The following SRPK1 variants were observed in gnomAD, a reference collection of about 807,000 sequenced individuals.
SRPK1 encodes the protein SRSF protein kinase 1.
In SRPK1, 52 loss-of-function variants were observed where a neutral mutation model predicts 89.5. The ratio of observed to expected loss-of-function variants is 0.58; its 90% CI spans 0.46 to 0.73. The LOEUF (loss-of-function observed/expected upper bound fraction) is 0.73. SRPK1 is among the 30% of genes least tolerant of loss of function. The pLI is 0.00. For synonymous variants in SRPK1, 255 were observed against 270.2 expected (o/e 0.94, Z 0.55); for missense variants, 603 against 780.6 (o/e 0.77, Z 2.71).
intron 2 of SRPK1, among the ~76,000 whole-genome samples, chr6:35,916,229 TAAA>T (rs1167883107): frequency 2.6e-4 from 37 of 144,074 alleles, no homozygotes; most frequent in African/African-American, 9.5e-4. Context: ...CTGCCTCAAA[TAAA>T]TAAATAAATA....
chr6:35,919,008 A>C (rs1771171158), intron 2 of SRPK1, among the ~76,000 whole-genome samples: 1 of 152,244 alleles, frequency 6.6e-6, no homozygotes, highest in Non-Finnish European at 1.5e-5. Context: ...AATAGAAAAG[A>C]ACGTTTTAAC....
chr6:35,907,403 C>T (rs553469318), intron 2 of SRPK1, among the ~76,000 whole-genome samples: 3 of 152,218 alleles, frequency 2.0e-5, no homozygotes, highest in Admixed American at 6.5e-5. Context: ...CTGGGATTTG[C>T]TTTAAAATAA....
At chr6:35,838,562 C>A in intron 14 of SRPK1, 133 bp from the exon 15 acceptor site, 9 of 1,374,650 alleles carry the variant, frequency 6.5e-6, no homozygotes, top group Non-Finnish European at 8.0e-6. Flanking sequence ...TACTTTCTAT[C>A]CTAAATGGGA....
chr6:35,872,807 TAAAAA>T, intron 7 of SRPK1, 79 bp from the exon 8 acceptor site: 1 of 993,302 alleles, frequency 1.0e-6, no homozygotes, highest in Non-Finnish European at 1.4e-6. Flanking sequence ...AACATGACAT[TAAAAA>T]AAAAAAAAAG....
intron 10 of SRPK1, 94 bp from the exon 11 acceptor site, chr6:35,869,995 TTA>T (rs1401694323): frequency 4.5e-6 from 6 of 1,346,774 alleles, no homozygotes; most frequent in Non-Finnish European, 6.0e-6. Flanking sequence ...TTTCTAGAAC[TTA>T]TACTGAGTGA....
At chr6:35,870,193 G>A in intron 10 of SRPK1, 88 bp downstream of exon 10, 9 of 1,134,660 alleles carry the variant, frequency 7.9e-6, no homozygotes, top group Non-Finnish European at 1.1e-5. Flanking sequence ...GAGATGTGTT[G>A]TATGTATGAA....
chr6:35,917,119 GACAA>G (rs1771123318), intron 2 of SRPK1, among the ~76,000 whole-genome samples: 2 of 152,094 alleles, frequency 1.3e-5, no homozygotes, highest in African/African-American at 4.8e-5. Context: ...AAAAGCTTAT[GACAA>G]ACAAATAAAG....
intron 2 of SRPK1, among the ~76,000 whole-genome samples, chr6:35,894,962 C>T (rs1252124160): frequency 2.0e-5 from 3 of 151,952 alleles, no homozygotes; most frequent in African/African-American, 7.3e-5. Flanking sequence ...TCCAAGAGCA[C>T]AACTATAGAG....
chr6:35,874,136 A>C, intron 7 of SRPK1, 97 bp downstream of exon 7: 1 of 1,114,324 alleles, frequency 9.0e-7, no homozygotes, highest in Non-Finnish European at 1.3e-6. Context: ...CTTAAAACAA[A>C]AATTCTATTG....
chr6:35,893,804 A>G (rs1770571000), intron 2 of SRPK1, among the ~76,000 whole-genome samples: 1 of 152,146 alleles, frequency 6.6e-6, no homozygotes, highest in Admixed American at 6.5e-5. Flanking sequence ...CGAGGCCAGG[A>G]GTTCAAGACC....
At chr6:35,877,004 G>A (rs1262991031) in intron 6 of SRPK1, among the ~76,000 whole-genome samples, 3 of 152,148 alleles carry the variant, frequency 2.0e-5, no homozygotes, top group Non-Finnish European at 4.4e-5. Flanking sequence ...GAGGGGGCCC[G>A]CCCCTTCAAG....
In SRPK1 at chr6:35,886,207, A is replaced by G. The variant is rs185009001; in HGVS notation, c.478+517T>C. 2.0e-5 allele frequency among the ~76,000 whole-genome samples: 3 copies of G among 151,254 alleles called. No individual in the cohort carries two copies. In the East Asian group the frequency reaches 5.8e-4, roughly 29 times the overall value. On this transcript the variant is annotated intron_variant, in intron 6 of 15. Transcript: ENST00000373825. ...GTGATTCTCCAGCCTCAGCCTCTCC[A>G]GTAGCTGGGATTACAGGAGCCTGCC...
chr6:35,845,787 C>G (rs758744294), intron 13 of SRPK1, among the ~76,000 whole-genome samples: 1 of 152,164 alleles, frequency 6.6e-6, no homozygotes, highest in African/African-American at 2.4e-5. Context: ...ATGGCTGTCT[C>G]AAAGTGAGGA....
At chr6:35,863,641 G>A (rs977780925) in intron 12 of SRPK1, among the ~76,000 whole-genome samples, 13 of 149,892 alleles carry the variant, frequency 8.7e-5, no homozygotes, top group Admixed American at 6.0e-4. Context: ...AGGTGGAGGG[G>A]GAGGGGAGAC....
At position 35,880,746 on chromosome 6, in the gene SRPK1, A is replaced by AAAAAAAAAAAAAAAGAAAGAAAG. The variant is rs1770263877; in HGVS notation, c.478+5977_478+5978insCTTTCTTTCTTTTTTTTTTTTTT. Among the ~76,000 whole-genome samples the AAAAAAAAAAAAAAAGAAAGAAAG allele has an allele frequency of 6.1e-4, 54 of 89,186 alleles. 1 individual carries two copies. The highest frequency in any genetic ancestry group is 1.4e-3 in the South Asian group (3 of 2,134). The allele number at this position is 89,186 out of a possible 152,430, so 58.5% of individuals were successfully genotyped here. On this transcript the variant is annotated intron_variant, in intron 6 of 15. Transcript: ENST00000373825. ...AAAAAAAAAAAAAAGAAAAAAAAAA[A>AAAAAAAAAAAAAAAGAAAGAAAG]AAAAGAAAAGAAAAGAAGAAGAAAT...
chr6:35,886,026 GTTTC>G (rs1017671767), intron 6 of SRPK1, among the ~76,000 whole-genome samples: 20 of 151,252 alleles, frequency 1.3e-4, no homozygotes, highest in African/African-American at 4.9e-4. Context: ...TGTTCATCCA[GTTTC>G]TTTCTTCCTT....
chr6:35,901,330 AAAAGAG>A (rs763245243), intron 2 of SRPK1, among the ~76,000 whole-genome samples: 64 of 152,212 alleles, frequency 4.2e-4, no homozygotes, highest in Non-Finnish European at 7.5e-4. Context: ...TGTCCTTTTA[AAAAGAG>A]AAAATCTGGA....
chr6:35,840,849 T>C (rs1318069485), intron 14 of SRPK1, among the ~76,000 whole-genome samples: 1 of 152,180 alleles, frequency 6.6e-6, no homozygotes, highest in Non-Finnish European at 1.5e-5. Context: ...CTAAGGACTA[T>C]TAGTACTAAC....
intron 12 of SRPK1, among the ~76,000 whole-genome samples, chr6:35,862,625 A>G (rs1038268050): frequency 2.6e-5 from 4 of 152,204 alleles, no homozygotes; most frequent in Non-Finnish European, 4.4e-5. Flanking sequence ...ACAAGTAAAT[A>G]TGACAGCACC....
Sources: allele counts gnomAD v4.1 joint callset (sites outside exome capture counted in the v4.1 genomes callset), GRCh38; gene constraint gnomAD v4.1.1; transcripts MANE v1.5; gene names NCBI Gene and HGNC (gene_info 2026-07-23, HGNC 2026-07-21).